The following ETV1 variants were observed in gnomAD, a reference collection of about 807,000 sequenced individuals.
The protein encoded by ETV1 is ETS translocation variant 1.
ETV1 carries 27 observed loss-of-function variants against 62.3 expected under a neutral mutation model. The ratio of observed to expected loss-of-function variants is 0.43; its 90% CI spans 0.32 to 0.60. The LOEUF is 0.60. Among genes scored for constraint, ETV1 ranks in the 20% least tolerant of loss-of-function variants. The pLI is 0.06. For synonymous variants in ETV1, 222 were observed against 199.6 expected, an observed-to-expected ratio of 1.11 and a Z score of -0.94; for missense variants, 605 against 605.8, an observed-to-expected ratio of 1.00 and a Z score of 0.01.
rs1381047681 is a variant in ETV1, at chr7:13,959,938, T to A, written c.235+17489A>T. 3.3e-5 allele frequency among the ~76,000 whole-genome samples: 5 copies of A among 150,776 alleles called. No homozygotes were observed. The East Asian group carries it at 7.7e-4, about 23-fold the overall frequency. Reference sequence around the variant, plus strand: ...CTATTCTCTGGAACCTTTTTTTTTTTAAATTGGGAGCCATACATAGATTAT... The same window carrying A: ...CTATTCTCTGGAACCTTTTTTTTTTAAAATTGGGAGCCATACATAGATTAT... On this transcript the variant is annotated intron_variant, in intron 6 of 13. Coordinates refer to ENST00000430479, the MANE Select transcript of ETV1 (RefSeq NM_004956.5).
chr7:13,973,155 T>C (rs1781071910), intron 6 of ETV1, among the ~76,000 whole-genome samples: 1 of 152,242 alleles, frequency 6.6e-6, no homozygotes, highest in Admixed American at 6.5e-5. Context: ...TACAGTCAAA[T>C]GCATGTTCTA....
In ETV1 at chr7:13,898,967, G is replaced by A. The variant is rs192668402; in HGVS notation, c.1212+1771C>T. Among the ~76,000 whole-genome samples, 396 of 152,220 alleles carry A rather than the reference G, an allele frequency of 2.6e-3. 4 individuals are homozygous for A. Among genetic ancestry groups the A allele is most frequent in the Middle Eastern group, 6.8e-3 (2 of 294 alleles). On this transcript the variant is annotated intron_variant, in intron 13 of 13. Coordinates refer to ENST00000430479, the MANE Select transcript of ETV1 (RefSeq NM_004956.5). ...TACATTGTGCCAGTTACAATGTAAA[G>A]TATCTCAAGTACATTATTTCATTTA...
chr7:13,950,930 AC>A (rs1562668051), intron 6 of ETV1, among the ~76,000 whole-genome samples: 3 of 148,028 alleles, frequency 2.0e-5, no homozygotes, highest in Admixed American at 2.0e-4. Context: ...ACACACACAC[AC>A]ACACACACAC....
intron 7 of ETV1, among the ~76,000 whole-genome samples, chr7:13,938,236 C>G (rs146630806): frequency 2.0e-5 from 3 of 152,272 alleles, no homozygotes; most frequent in Admixed American, 2.0e-4. Flanking sequence ...TGAGCCACTG[C>G]GTCTGGCCTA....
At chr7:13,971,120 C>T (rs6960345) in intron 6 of ETV1, among the ~76,000 whole-genome samples, 111,366 of 151,960 alleles carry the variant, frequency 0.73, 41,793 homozygotes, top group African/African-American at 0.9. Context: ...TACAGGCATG[C>T]GACACCACAC....
chr7:13,926,937 T>G (rs1300682669), intron 9 of ETV1, among the ~76,000 whole-genome samples: 1 of 152,200 alleles, frequency 6.6e-6, no homozygotes, highest in Non-Finnish European at 1.5e-5. Context: ...TGAAATTGCA[T>G]TCCTGTAATT....
chr7:13,965,497 T>C lies in ETV1; in HGVS notation c.235+11930A>G, dbSNP rs143688264. The stretch of plus-strand genomic sequence containing the variant: ...GAAACAGTTTTGAAGCTTGTACGTG[T>C]AGTCTGAGTATTGGCTATCAGGGAG... On this transcript the variant is annotated intron_variant, in intron 6 of 13. Coordinates refer to ENST00000430479, the MANE Select transcript of ETV1 (RefSeq NM_004956.5). Among the ~76,000 whole-genome samples the C allele has an allele frequency of 5.0e-3, 758 of 152,208 alleles. 5 individuals are homozygous for C. Among genetic ancestry groups the C allele is most frequent in the African/African-American group, 0.017 (715 of 41,532 alleles).
intron 12 of ETV1, among the ~76,000 whole-genome samples, chr7:13,901,909 T>C (rs1047596172): frequency 6.6e-6 from 1 of 152,132 alleles, no homozygotes; most frequent in African/African-American, 2.4e-5. Flanking sequence ...GGAGGAGCAA[T>C]GTATCTAAGA....
chr7:13,965,961 G>A (rs1012246455), intron 6 of ETV1, among the ~76,000 whole-genome samples: 1 of 152,114 alleles, frequency 6.6e-6, no homozygotes, highest in Admixed American at 6.5e-5. Context: ...CCTCAAACAT[G>A]TGAATCATAC....
In ETV1 at chr7:13,988,100, G is replaced by C. The variant is rs1397294224; in HGVS notation, c.119C>G (p.Ala40Gly). The change falls in exon 4 of 14, where the codon GCT becomes GGT. Residue 40 changes from alanine (A) to glycine (G), a missense_variant. Transcript: ENST00000430479. ...TCAAACCTCACCTTCTGAATCATGA[G>C]CCAGATCTCTGTTAATGAATTTTCT... ...RKRKFINRDL[A>G]HDSEELFQDL... The C allele has an allele frequency of 6.2e-7, 1 of 1,610,092 alleles. No individual in the cohort carries two copies. The highest frequency in any genetic ancestry group is 8.5e-7 in the Non-Finnish European group (1 of 1,176,534).
chr7:13,892,040 T>A lies in ETV1; in HGVS notation c.*3826A>T, dbSNP rs1781418586. The A allele has an allele frequency of 4.3e-6, 1 of 232,120 alleles. No homozygotes were observed. The highest frequency in any genetic ancestry group is 8.5e-6 in the Non-Finnish European group (1 of 117,392). The allele number at this position is 232,120 out of a possible 1,614,324, so 14.4% of individuals were successfully genotyped here. A position where few individuals can be genotyped will look rare whatever the true frequency, so the allele number is the denominator to read the frequency against. Reference sequence around the variant, plus strand: ...ATTCTGTAGCTTCTGGCAATATATTTCTTTCCTGGTTATATAAAGATAAGT... The same window carrying A: ...ATTCTGTAGCTTCTGGCAATATATTACTTTCCTGGTTATATAAAGATAAGT... On this transcript the variant is annotated 3_prime_UTR_variant, in exon 14 of 14. Transcript: ENST00000430479.
At chr7:13,950,175 A>G (rs1041469905) in intron 6 of ETV1, among the ~76,000 whole-genome samples, 1 of 152,288 alleles carries the variant, frequency 6.6e-6, no homozygotes, top group African/African-American at 2.4e-5. Context: ...TGGAAGCCCA[A>G]TGTGCAAAAC....
intron 5 of ETV1, among the ~76,000 whole-genome samples, chr7:13,980,193 A>G (rs1279587805): frequency 6.6e-6 from 1 of 152,178 alleles, no homozygotes; most frequent in African/African-American, 2.4e-5. Context: ...GACCAAACGA[A>G]GCAGCATGCT....
chr7:13,898,116 T>C (rs1172586541), intron 13 of ETV1, among the ~76,000 whole-genome samples: 1 of 152,226 alleles, frequency 6.6e-6, no homozygotes, highest in Non-Finnish European at 1.5e-5. Context: ...TAAATGCTAC[T>C]GAGTTTAGAA....
chr7:13,981,146 A>T (rs1329323375), intron 5 of ETV1, among the ~76,000 whole-genome samples: 1 of 152,094 alleles, frequency 6.6e-6, no homozygotes. Flanking sequence ...ACAAACGTCA[A>T]GTATAAAAGG....
At chr7:13,973,663 C>T (rs150048978) in intron 6 of ETV1, among the ~76,000 whole-genome samples, 59 of 151,602 alleles carry the variant, frequency 3.9e-4, no homozygotes, top group East Asian at 1.2e-3. Flanking sequence ...TTAAATTAGG[C>T]GATTTCAGAC....
intron 8 of ETV1, among the ~76,000 whole-genome samples, chr7:13,932,788 A>AC (rs533464728): frequency 5.3e-4 from 80 of 152,162 alleles, no homozygotes; most frequent in African/African-American, 1.6e-3. Context: ...AAGCCTAATA[A>AC]CCCCCCCACT....
At chr7:13,933,721 C>T (rs1159546227) in intron 8 of ETV1, among the ~76,000 whole-genome samples, 2 of 152,178 alleles carry the variant, frequency 1.3e-5, no homozygotes, top group Non-Finnish European at 1.5e-5. Flanking sequence ...CAGAAACATA[C>T]GGCTTTAGAG....
At chr7:13,907,957 C>T (rs1783145456) in intron 11 of ETV1, 2 of 369,380 alleles carry the variant, frequency 5.4e-6, no homozygotes, top group Admixed American at 3.5e-5. Context: ...ATATCGATTT[C>T]AATGACAGTT....
Sources: gnomAD v4.1 joint callset for allele counts (sites outside exome capture counted in the v4.1 genomes callset) on GRCh38, gnomAD v4.1.1 for gene constraint, MANE v1.5 for transcripts, NCBI Gene and HGNC (gene_info 2026-07-23, HGNC 2026-07-21) for gene names.